The following PSPC1 variants were observed in gnomAD, a reference collection of about 807,000 sequenced individuals.
PSPC1 encodes paraspeckle protein 1.
In PSPC1, 14 loss-of-function variants were observed where a neutral mutation model predicts 51.6. That is an observed-to-expected ratio of 0.27 (90% CI 0.18 to 0.42). The LOEUF (loss-of-function observed/expected upper bound fraction) is 0.42, where lower values mean the gene tolerates loss of function less well. Among genes scored for constraint, PSPC1 ranks in the 10% least tolerant of loss-of-function variants. The pLI is 1.00. For missense variants in PSPC1, 406 were observed against 701.1 expected (o/e 0.58, Z 4.75); for synonymous variants, 193 against 231.9 (o/e 0.83, Z 1.53).
At chr13:19,737,817 G>A (rs1040217009) in intron 5 of PSPC1, among the ~76,000 whole-genome samples, 1 of 152,148 alleles carries the variant, frequency 6.6e-6, no homozygotes, top group Admixed American at 6.6e-5. Flanking sequence ...AGGCATGGTG[G>A]CACATGCCTG....
chr13:19,764,196 T>C (rs139496312), intron 2 of PSPC1, among the ~76,000 whole-genome samples: 131 of 152,270 alleles, frequency 8.6e-4, no homozygotes, highest in African/African-American at 3.1e-3. Context: ...TCCTAACATA[T>C]GGAGAGGAGC....
At position 19,742,746 on chromosome 13, in the gene PSPC1, A is replaced by G. The variant is rs569013161; in HGVS notation, c.968-1097T>C. Among the ~76,000 whole-genome samples, 97 of 152,294 alleles carry G rather than the reference A, an allele frequency of 6.4e-4. 2 individuals are homozygous for G. In the South Asian group the frequency reaches 0.019, roughly 30 times the overall value. On this transcript the variant is annotated intron_variant, in intron 4 of 8. Transcript: ENST00000338910. ...ACAGCAGAACTGTCTCTAAAATAAA[A>G]TAACAAATTGTAATTGTTTTCAGCA...
At chr13:19,778,783 C>T (rs1226214379) in intron 1 of PSPC1, among the ~76,000 whole-genome samples, 13 of 120,940 alleles carry the variant, frequency 1.1e-4, no homozygotes, top group African/African-American at 3.0e-4. Context: ...AGCCTCTGCC[C>T]GGCCGCCACC....
At chr13:19,764,196 T>G (rs139496312) in intron 2 of PSPC1, among the ~76,000 whole-genome samples, 5 of 152,154 alleles carry the variant, frequency 3.3e-5, no homozygotes, top group Non-Finnish European at 5.9e-5. Context: ...TCCTAACATA[T>G]GGAGAGGAGC....
chr13:19,746,940 T>A (rs1886058101), intron 4 of PSPC1, among the ~76,000 whole-genome samples: 2 of 152,016 alleles, frequency 1.3e-5, no homozygotes. Flanking sequence ...AGAAACCCCA[T>A]CTCTACTAAA....
intron 1 of PSPC1, among the ~76,000 whole-genome samples, chr13:19,780,204 C>T (rs1225596564): frequency 7.5e-6 from 1 of 132,514 alleles, no homozygotes; most frequent in Admixed American, 7.6e-5. Flanking sequence ...TCAGCCCCCC[C>T]GCCCGGCCAG....
chr13:19,724,972 C>A (rs1305564365), intron 6 of PSPC1, among the ~76,000 whole-genome samples: 1 of 151,686 alleles, frequency 6.6e-6, no homozygotes, highest in African/African-American at 2.4e-5. Flanking sequence ...GCACTCCAGC[C>A]TGGCGAGACA....
chr13:19,722,495 G>A (rs1225804624), intron 6 of PSPC1, among the ~76,000 whole-genome samples: 4 of 147,782 alleles, frequency 2.7e-5, no homozygotes, highest in Non-Finnish European at 6.0e-5. Flanking sequence ...GCGAGAGCCT[G>A]TCTTAAAAAA....
chr13:19,737,673 C>T (rs938737629), intron 5 of PSPC1, among the ~76,000 whole-genome samples: 9 of 152,110 alleles, frequency 5.9e-5, no homozygotes, highest in Non-Finnish European at 1.3e-4. Context: ...GTTTTGCCCA[C>T]CAACTTTGGT....
At chr13:19,747,825 A>G (rs1003836460) in intron 4 of PSPC1, among the ~76,000 whole-genome samples, 2 of 152,214 alleles carry the variant, frequency 1.3e-5, no homozygotes, top group African/African-American at 4.8e-5. Context: ...TCCTTCCATG[A>G]TATGTCATGA....
At chr13:19,681,309 C>T (rs1877245726) in intron 6 of PSPC1, among the ~76,000 whole-genome samples, 1 of 152,164 alleles carries the variant, frequency 6.6e-6, no homozygotes, top group African/African-American at 2.4e-5. Flanking sequence ...ATGTAACATT[C>T]TCCCAGCCTT....
downstream of PSPC1, among the ~76,000 whole-genome samples, chr13:19,700,828 C>T (rs1255654181): frequency 6.6e-6 from 1 of 152,088 alleles, no homozygotes; most frequent in Admixed American, 6.6e-5. Context: ...GCTAACACTA[C>T]TGAATTTCCT....
At chr13:19,675,296 T>C (rs1407549309) in intron 7 of PSPC1, 1 of 152,188 alleles carries the variant, frequency 6.6e-6, no homozygotes, top group African/African-American at 2.4e-5. Context: ...GCACAGAGCG[T>C]TGAAAAGGAG....
chr13:19,780,235 G>A (rs1412934890), intron 1 of PSPC1, among the ~76,000 whole-genome samples: 3 of 143,914 alleles, frequency 2.1e-5, no homozygotes, highest in African/African-American at 7.6e-5. Context: ...CGGGAGGTGA[G>A]GGGCGCCTCT....
chr13:19,775,601 T>C (rs1889033849), intron 1 of PSPC1, among the ~76,000 whole-genome samples: 1 of 152,214 alleles, frequency 6.6e-6, no homozygotes, highest in Non-Finnish European at 1.5e-5. Context: ...GATAATTGCA[T>C]TCTAAACAGT....
At chr13:19,717,736 G>A (rs922274648) in intron 6 of PSPC1, among the ~76,000 whole-genome samples, 6 of 150,324 alleles carry the variant, frequency 4.0e-5, no homozygotes, top group East Asian at 1.9e-4. Context: ...AAAGTTAGCC[G>A]GGCATGGTGG....
intron 2 of PSPC1, among the ~76,000 whole-genome samples, chr13:19,770,126 G>C (rs1019552628): frequency 6.6e-6 from 1 of 152,112 alleles, no homozygotes; most frequent in Non-Finnish European, 1.5e-5. Flanking sequence ...ACAAAGATAT[G>C]AATGAAATCT....
At chr13:19,673,891 ATGT>A (rs1206911422), downstream of PSPC1, among the ~76,000 whole-genome samples, 1 of 152,236 alleles carries the variant, frequency 6.6e-6, no homozygotes, top group Non-Finnish European at 1.5e-5. Flanking sequence ...GCCCAGGGCA[ATGT>A]TGTGTAGTGC....
intron 5 of PSPC1, among the ~76,000 whole-genome samples, chr13:19,734,622 T>C (rs1252333281): frequency 6.6e-6 from 1 of 152,034 alleles, no homozygotes; most frequent in Non-Finnish European, 1.5e-5. Context: ...GCCAACATGG[T>C]GAAACCCTGT....
Sources: allele counts gnomAD v4.1 joint callset (sites outside exome capture counted in the v4.1 genomes callset), GRCh38; gene constraint gnomAD v4.1.1; transcripts MANE v1.5; gene names NCBI Gene and HGNC (gene_info 2026-07-23, HGNC 2026-07-21).